C12orf60: variants seen among roughly 807,000 people sequenced by gnomAD.
C12orf60 encodes uncharacterized protein C12orf60.
For synonymous variants in C12orf60, 102 were observed against 94.6 expected (o/e 1.08, Z -0.45); for missense variants, 284 against 283.2 (o/e 1.00, Z -0.02).
At chr12:14,806,654 T>C in intron 1 of C12orf60, 2 of 1,600,822 alleles carry the variant, frequency 1.2e-6, no homozygotes, top group Non-Finnish European at 1.7e-6. Flanking sequence ...TTGGGTTCTC[T>C]GGGTAAAGGA....
rs766856235 is a variant in C12orf60, at chr12:14,823,463, T to G, written c.528T>G (p.Pro176=). ...DVTTSERTRS[P]PGSSKTTMID... ...CCACATCTGAGAGAACCAGAAGTCC[T>G]CCAGGTTCTTCCAAAACCACTATGA... Residue 176 remains proline (P), a synonymous_variant, in exon 2 of 2, where the codon CCT becomes CCG. Coordinates refer to ENST00000330828, the MANE Select transcript of C12orf60 (RefSeq NM_175874.4). 3 of 1,610,816 alleles carry G rather than the reference T, an allele frequency of 1.9e-6. No individual in the cohort carries two copies. The highest frequency in any genetic ancestry group is 2.5e-6 in the Non-Finnish European group (3 of 1,179,288).
At chr12:14,809,955 CTAAAG>C (rs1950110432) in intron 1 of C12orf60, among the ~76,000 whole-genome samples, 1 of 152,332 alleles carries the variant, frequency 6.6e-6, no homozygotes, top group South Asian at 2.1e-4. Flanking sequence ...TTTTCAACTA[CTAAAG>C]TAATGTTTTT....
At chr12:14,813,506 C>T (rs573315176) in intron 1 of C12orf60, among the ~76,000 whole-genome samples, 4 of 152,132 alleles carry the variant, frequency 2.6e-5, no homozygotes, top group East Asian at 3.9e-4. Context: ...TGTTTCTGAC[C>T]AGAAAGAAGA....
At chr12:14,817,671 T>C (rs1950242012) in intron 1 of C12orf60, among the ~76,000 whole-genome samples, 1 of 152,254 alleles carries the variant, frequency 6.6e-6, no homozygotes, top group Admixed American at 6.5e-5. Flanking sequence ...CATTCCTTTT[T>C]ATGGCTGCAT....
intron 1 of C12orf60, among the ~76,000 whole-genome samples, chr12:14,819,250 A>G (rs180753392): frequency 6.6e-6 from 1 of 152,150 alleles, no homozygotes; most frequent in South Asian, 2.1e-4. Flanking sequence ...TGCACAGATT[A>G]TGCACATATA....
intron 1 of C12orf60, among the ~76,000 whole-genome samples, chr12:14,807,074 C>T (rs1002297918): frequency 3.3e-5 from 5 of 152,202 alleles, no homozygotes; most frequent in Admixed American, 1.3e-4. Flanking sequence ...TCAGGTAATC[C>T]ACCTGCCTTG....
chr12:14,812,886 A>G (rs1258735789), intron 1 of C12orf60, among the ~76,000 whole-genome samples: 1 of 152,184 alleles, frequency 6.6e-6, no homozygotes, highest in Non-Finnish European at 1.5e-5. Flanking sequence ...TATATTTCCC[A>G]GTCAAAGATG....
chr12:14,822,317 GACAACAACAACA>G (rs746917116), intron 1 of C12orf60, among the ~76,000 whole-genome samples: 5 of 149,836 alleles, frequency 3.3e-5, no homozygotes, highest in Admixed American at 6.7e-5. Flanking sequence ...GAAGACAAAC[GACAACAACAACA>G]ACAACAACAA....
rs188384661 is a variant in C12orf60, at chr12:14,819,229, T to A, written c.-24-3683T>A. On this transcript the variant is annotated intron_variant, in intron 1 of 1. Coordinates refer to ENST00000330828, the MANE Select transcript of C12orf60 (RefSeq NM_175874.4). The stretch of plus-strand genomic sequence containing the variant: ...TTTTTACTTCAGAATTTTATTTTTT[T>A]AAAATCTTAGTGCACAGATTATGCA... Among the ~76,000 whole-genome samples the A allele has an allele frequency of 5.6e-3, 857 of 152,284 alleles. 8 individuals are homozygous for A. Among genetic ancestry groups the A allele is most frequent in the African/African-American group, 0.02 (840 of 41,574 alleles).
rs753698873 is a variant in C12orf60, at chr12:14,823,600, T to C, written c.665T>C (p.Leu222Ser). 6 of 1,608,988 alleles carry C rather than the reference T, an allele frequency of 3.7e-6. No individual in the cohort carries two copies. Among genetic ancestry groups the C allele is most frequent in the South Asian group, 3.3e-5 (3 of 89,608 alleles). Reference protein sequence around the residue: ...EQIVKAMGPILEILQKAIKTM... With the variant: ...EQIVKAMGPISEILQKAIKTM... ...ATTGTCAAGGCTATGGGACCAATCTTAGAGATCCTCCAAAAAGCGATAAAG... is the reference window on the plus strand; with the variant it reads ...ATTGTCAAGGCTATGGGACCAATCTCAGAGATCCTCCAAAAAGCGATAAAG... The change falls in exon 2 of 2, where the codon TTA (leucine) becomes TCA (serine). Residue 222 changes from leucine to serine, a missense_variant. Transcript: ENST00000330828.
At chr12:14,803,813 T>C in intron 1 of C12orf60, 62 bp downstream of exon 1, 1 of 253,052 alleles carries the variant, frequency 4.0e-6, no homozygotes, top group South Asian at 1.8e-4. Context: ...GCGTTTTCTG[T>C]CTTTTGGAAT....
chr12:14,809,125 A>G (rs1950098675), intron 1 of C12orf60, among the ~76,000 whole-genome samples: 2 of 152,202 alleles, frequency 1.3e-5, no homozygotes, highest in Admixed American at 1.3e-4. Context: ...CTTATCCTGA[A>G]AAAGTTCAAA....
At chr12:14,806,359 C>A (rs1565678383) in intron 1 of C12orf60, 2 of 1,614,216 alleles carry the variant, frequency 1.2e-6, no homozygotes, top group African/African-American at 2.7e-5. Flanking sequence ...GCAATTTTGT[C>A]TGTTTCCTTT....
chr12:14,806,890 GGTGCGATCTCAGCT>G, intron 1 of C12orf60, among the ~76,000 whole-genome samples: 2 of 152,280 alleles, frequency 1.3e-5, no homozygotes, highest in Admixed American at 1.3e-4. Flanking sequence ...GGAGTGCAGT[GGTGCGATCTCAGCT>G]CACTGCAACC....
rs757671340 is a variant in C12orf60 at position 14,823,051 on chromosome 12, G to A, written c.116G>A (p.Arg39His). ...VINTLTELFSRSMNTQILLMA... is the reference protein window; with the variant it reads ...VINTLTELFSHSMNTQILLMA... Reference sequence around the variant, plus strand: ...AACACACTGACTGAATTGTTTAGCCGCAGTATGAATACTCAAATCCTTTTG... The same window carrying A: ...AACACACTGACTGAATTGTTTAGCCACAGTATGAATACTCAAATCCTTTTG... Residue 39 changes from arginine to histidine, a missense_variant, in exon 2 of 2, where the codon CGC becomes CAC. By Grantham distance (29) the Arg-to-His change is conservative. Transcript: ENST00000330828. 77 of 1,614,028 alleles carry A rather than the reference G, an allele frequency of 4.8e-5. No homozygotes were observed. Among genetic ancestry groups the A allele is most frequent in the East Asian group, 2.0e-4 (9 of 44,868 alleles).
intron 1 of C12orf60, among the ~76,000 whole-genome samples, chr12:14,819,570 G>A (rs749776388): frequency 1.7e-4 from 26 of 152,102 alleles, no homozygotes; most frequent in African/African-American, 3.4e-4. Context: ...ACTAGTGAAC[G>A]TGAACATACC....
intron 1 of C12orf60, chr12:14,806,252 G>A (rs759769483): frequency 6.2e-7 from 1 of 1,614,192 alleles, no homozygotes; most frequent in East Asian, 2.2e-5. Context: ...TGTTAATTAT[G>A]CCAGTTGTGA....
intron 1 of C12orf60, chr12:14,814,078 G>A (rs980106686): frequency 6.6e-6 from 1 of 152,150 alleles, no homozygotes; most frequent in African/African-American, 2.4e-5. Context: ...CTACTACTGA[G>A]AAACAGAGTA....
intron 1 of C12orf60, among the ~76,000 whole-genome samples, chr12:14,812,470 C>T (rs142450047): frequency 3.3e-5 from 5 of 152,092 alleles, no homozygotes; most frequent in South Asian, 4.2e-4. Flanking sequence ...TTATTGGTTA[C>T]GTATACTATT....
Sources: allele counts gnomAD v4.1 joint callset (sites outside exome capture counted in the v4.1 genomes callset), GRCh38; gene constraint gnomAD v4.1.1; transcripts MANE v1.5; gene names NCBI Gene and HGNC (gene_info 2026-07-23, HGNC 2026-07-21).